GRIK2: variants seen among roughly 807,000 people sequenced by gnomAD.
GRIK2 encodes the protein glutamate receptor ionotropic, kainate 2.
A neutral mutation model predicts 100.3 loss-of-function variants in GRIK2; 32 were observed. The observed-to-expected ratio is 0.32, with a 90% CI of 0.24 to 0.43. The LOEUF (loss-of-function observed/expected upper bound fraction) is 0.43, where lower values mean the gene tolerates loss of function less well. GRIK2 is among the 20% of genes least tolerant of loss of function. GRIK2 has a pLI of 1.00. For missense variants in GRIK2, 843 were observed against 1,114.9 expected (o/e 0.76, Z 3.47); for synonymous variants, 417 against 389.4 (o/e 1.07, Z -0.83).
chr6:101,874,376 T>C (rs1785657722), intron 11 of GRIK2, among the ~76,000 whole-genome samples: 1 of 152,190 alleles, frequency 6.6e-6, no homozygotes, highest in African/African-American at 2.4e-5. Flanking sequence ...TTTCTTGTTT[T>C]TGTCAGGTTT....
intron 14 of GRIK2, among the ~76,000 whole-genome samples, chr6:101,942,340 G>A (rs1273351266): frequency 6.6e-6 from 1 of 152,150 alleles, no homozygotes; most frequent in Admixed American, 6.6e-5. Flanking sequence ...TTGGTACCAG[G>A]AGAGTAGGGG....
chr6:101,749,961 C>T lies in GRIK2; in HGVS notation c.952-49687C>T, dbSNP rs140578484. Among the ~76,000 whole-genome samples the T allele has an allele frequency of 7.6e-3, 1,155 of 151,720 alleles. 6 individuals carry two copies. Among genetic ancestry groups the T allele is most frequent in the Middle Eastern group, 0.024 (7 of 294 alleles). On this transcript the variant is annotated intron_variant, in intron 7 of 16. Transcript: ENST00000369134. Reference sequence around the variant, plus strand: ...CCAAGTAGCTGGGATTACAGATGTTCGCCACCATGCCTGGCTAATTTTTAC... The same window carrying T: ...CCAAGTAGCTGGGATTACAGATGTTTGCCACCATGCCTGGCTAATTTTTAC...
chr6:101,662,295 A>G (rs1304705672), intron 4 of GRIK2, among the ~76,000 whole-genome samples: 1 of 152,194 alleles, frequency 6.6e-6, no homozygotes, highest in African/African-American at 2.4e-5. Flanking sequence ...ATGAAACAGA[A>G]ACACTAAGAA....
intron 7 of GRIK2, among the ~76,000 whole-genome samples, chr6:101,750,311 C>T (rs1180797012): frequency 6.6e-6 from 1 of 152,148 alleles, no homozygotes; most frequent in Non-Finnish European, 1.5e-5. Context: ...ACTCCAAAGT[C>T]CCTTCTCTGT....
intron 16 of GRIK2, chr6:102,066,035 A>G (rs1207042342): frequency 1.9e-6 from 1 of 524,762 alleles, no homozygotes; most frequent in East Asian, 3.5e-5. Context: ...TGCATAATTT[A>G]ACACATAATA....
intron 2 of GRIK2, among the ~76,000 whole-genome samples, chr6:101,438,880 C>G (rs1769887004): frequency 6.6e-6 from 1 of 152,078 alleles, no homozygotes; most frequent in Admixed American, 6.6e-5. Context: ...TATAAGGCAA[C>G]ATGCACTTTT....
chr6:101,909,073 GT>G (rs1479660969), intron 12 of GRIK2, among the ~76,000 whole-genome samples: 1 of 150,956 alleles, frequency 6.6e-6, no homozygotes, highest in Non-Finnish European at 1.5e-5. Context: ...CAACTTCAAA[GT>G]AAAAAACACA....
At chr6:102,008,003 A>G (rs10485277) in intron 14 of GRIK2, among the ~76,000 whole-genome samples, 7,054 of 152,132 alleles carry the variant, frequency 0.046, 253 homozygotes, top group Admixed American at 0.12. Context: ...GCAATGGTAG[A>G]ATATTAAGAA....
intron 2 of GRIK2, among the ~76,000 whole-genome samples, chr6:101,470,223 G>A (rs75109245): frequency 0.033 from 5,065 of 152,212 alleles, 130 homozygotes; most frequent in Admixed American, 0.069. Flanking sequence ...GACTACCCAC[G>A]TTAGCAGCTC....
At chr6:101,407,367 G>T (rs1023110238) in intron 2 of GRIK2, among the ~76,000 whole-genome samples, 2 of 152,054 alleles carry the variant, frequency 1.3e-5, no homozygotes, top group African/African-American at 4.8e-5. Context: ...CAGTTAAATA[G>T]CTTGTTCTAA....
At chr6:101,480,420 T>C (rs1772466043) in intron 2 of GRIK2, among the ~76,000 whole-genome samples, 2 of 152,224 alleles carry the variant, frequency 1.3e-5, no homozygotes, top group South Asian at 4.2e-4. Context: ...CTTTTTCCTC[T>C]CTTAGCATCC....
At chr6:101,507,121 T>A (rs1247256066) in intron 2 of GRIK2, among the ~76,000 whole-genome samples, 1 of 152,076 alleles carries the variant, frequency 6.6e-6, no homozygotes, top group Non-Finnish European at 1.5e-5. Flanking sequence ...ATTTGACTAT[T>A]TTAGGAATCT....
chr6:101,680,838 T>G (rs1017142783), intron 5 of GRIK2, among the ~76,000 whole-genome samples: 5 of 152,176 alleles, frequency 3.3e-5, no homozygotes, highest in Non-Finnish European at 7.4e-5. Context: ...TGTCTTATTT[T>G]GCTTGAGATG....
At chr6:101,491,954 AC>A (rs1674212950) in intron 2 of GRIK2, among the ~76,000 whole-genome samples, 1 of 151,806 alleles carries the variant, frequency 6.6e-6, no homozygotes, top group Non-Finnish European at 1.5e-5. Context: ...TATAGCTTAA[AC>A]TTTTTGTGCA....
At chr6:101,908,009 G>A (rs963595509) in intron 12 of GRIK2, among the ~76,000 whole-genome samples, 2 of 151,212 alleles carry the variant, frequency 1.3e-5, no homozygotes, top group Non-Finnish European at 3.0e-5. Flanking sequence ...GCACATTTCT[G>A]AATTTCCCCT....
rs892271843 is a variant in GRIK2, at chr6:101,656,521, T to C, written c.542-20102T>C. On this transcript the variant is annotated intron_variant, in intron 4 of 16. Coordinates refer to ENST00000369134, the MANE Select transcript of GRIK2 (RefSeq NM_021956.5). ...TCTACTGCCCAAACATATAGGTAGATAATATTCAACCTTTACCACAAATTT... is the reference window on the plus strand; with the variant it reads ...TCTACTGCCCAAACATATAGGTAGACAATATTCAACCTTTACCACAAATTT... 2.6e-5 allele frequency among the ~76,000 whole-genome samples: 4 copies of C among 152,300 alleles called. No individual in the cohort carries two copies. In the South Asian group the frequency reaches 8.3e-4, roughly 32 times the overall value.
chr6:101,465,109 C>G (rs1771573662), intron 2 of GRIK2, among the ~76,000 whole-genome samples: 1 of 152,062 alleles, frequency 6.6e-6, no homozygotes, highest in Admixed American at 6.6e-5. Flanking sequence ...CCTGCTGACT[C>G]TTAATTTTTA....
chr6:101,746,001 A>T (rs1776398991), intron 7 of GRIK2, among the ~76,000 whole-genome samples: 1 of 152,174 alleles, frequency 6.6e-6, no homozygotes, highest in Non-Finnish European at 1.5e-5. Context: ...TATTTCGCGG[A>T]GTCTCATCAT....
intron 16 of GRIK2, among the ~76,000 whole-genome samples, chr6:102,062,600 G>A (rs1771810064): frequency 6.7e-6 from 1 of 150,332 alleles, no homozygotes; most frequent in East Asian, 1.9e-4. Context: ...TTTAAAGATA[G>A]CTGCTCTAAA....
Sources: gnomAD v4.1 joint callset for allele counts (sites outside exome capture counted in the v4.1 genomes callset) on GRCh38, gnomAD v4.1.1 for gene constraint, MANE v1.5 for transcripts, NCBI Gene and HGNC (gene_info 2026-07-23, HGNC 2026-07-21) for gene names.